Variants in CEP192 observed in about 807,000 individuals in gnomAD.
The protein encoded by CEP192 is centrosomal protein of 192 kDa.
Under a neutral mutation model 271.8 loss-of-function variants are expected in CEP192, and 151 were observed. That is an observed-to-expected ratio of 0.56 (90% CI 0.49 to 0.64). The LOEUF is 0.64. CEP192 is among the 30% of genes least tolerant of loss of function. The probability of loss-of-function intolerance (pLI) is 0.00; values close to 1 mark genes in which losing one functional copy is unlikely to be tolerated. For missense variants in CEP192, 2,910 were observed against 3,020.5 expected (o/e 0.96, Z 0.86); for synonymous variants, 995 against 1,076.5 (o/e 0.92, Z 1.48).
At chr18:13,020,599 G>A (rs1019761143) in intron 9 of CEP192, among the ~76,000 whole-genome samples, 27 of 152,244 alleles carry the variant, frequency 1.8e-4, no homozygotes, top group African/African-American at 6.5e-4. Flanking sequence ...ATGTAGGAGT[G>A]AAATTGTTGG....
At chr18:13,070,802 C>CA (rs1403179590) in intron 27 of CEP192, among the ~76,000 whole-genome samples, 2 of 152,220 alleles carry the variant, frequency 1.3e-5, no homozygotes, top group East Asian at 3.8e-4. Context: ...CCACTCCTCC[C>CA]AAATGTCTCA....
At chr18:13,054,493 T>C (rs956641091) in intron 18 of CEP192, among the ~76,000 whole-genome samples, 3 of 152,200 alleles carry the variant, frequency 2.0e-5, no homozygotes, top group Non-Finnish European at 2.9e-5. Context: ...AAGCTGTCTT[T>C]TTCATGTTGT....
At chr18:13,028,625 T>C (rs2035441332) in intron 9 of CEP192, among the ~76,000 whole-genome samples, 1 of 151,838 alleles carries the variant, frequency 6.6e-6, no homozygotes, top group Non-Finnish European at 1.5e-5. Flanking sequence ...GTTCAAGTGA[T>C]TCTCTTGCCT....
At chr18:13,072,957 T>C (rs1568375300) in intron 29 of CEP192, 52 bp from the exon 30 acceptor site, 9 of 1,570,012 alleles carry the variant, frequency 5.7e-6, no homozygotes, top group Non-Finnish European at 7.8e-6. Context: ...AATGGTATGT[T>C]TTATTTGTGC....
intron 30 of CEP192, among the ~76,000 whole-genome samples, chr18:13,084,066 T>C (rs903104122): frequency 3.3e-5 from 5 of 152,324 alleles, no homozygotes; most frequent in Admixed American, 3.3e-4. Context: ...CCAGCTAGGC[T>C]ACACGGGGGT....
intron 18 of CEP192, among the ~76,000 whole-genome samples, chr18:13,055,423 C>T (rs1447067282): frequency 6.6e-6 from 1 of 152,214 alleles, no homozygotes; most frequent in Non-Finnish European, 1.5e-5. Flanking sequence ...TCAGCCCCCA[C>T]TCCTTCGTTA....
intron 6 of CEP192, among the ~76,000 whole-genome samples, chr18:13,015,710 A>G (rs548254301): frequency 6.6e-6 from 1 of 152,074 alleles, no homozygotes; most frequent in East Asian, 1.9e-4. Context: ...GCCCTTCAGT[A>G]TATAGCATTG....
intron 34 of CEP192, among the ~76,000 whole-genome samples, chr18:13,094,742 A>G (rs1418844869): frequency 6.6e-6 from 1 of 152,160 alleles, no homozygotes; most frequent in Non-Finnish European, 1.5e-5. Context: ...TAATGTACAA[A>G]TCCACACACT....
intron 36 of CEP192, among the ~76,000 whole-genome samples, chr18:13,099,203 A>G (rs1194177962): frequency 6.9e-6 from 1 of 145,530 alleles, no homozygotes; most frequent in Admixed American, 6.8e-5. Flanking sequence ...GGGGAGAGGG[A>G]GAGGGAGAGG....
At position 13,116,491 on chromosome 18, in the gene CEP192, T is replaced by G. The variant is rs1423930306; in HGVS notation, c.7404T>G (p.Phe2468Leu). ...AAGTCAATCTGCGAAATAATTCTTT[T>G]ATTACACACTCAGTAAGTTGGAAAT... ...TLKVNLRNNS[F>L]ITHSLKFLSP... Residue 2468 changes from phenylalanine (F) to leucine (L), a missense_variant, in exon 43 of 45, where the codon TTT (phenylalanine) becomes TTG (leucine). Transcript: ENST00000506447. 6.2e-7 allele frequency: 1 copy of G among 1,604,824 alleles called. No individual in the cohort carries two copies. Among genetic ancestry groups the G allele is most frequent in the Non-Finnish European group, 8.5e-7 (1 of 1,177,104 alleles).
chr18:13,113,817 T>C, intron 41 of CEP192, 112 bp downstream of exon 41: 2 of 1,020,680 alleles, frequency 2.0e-6, no homozygotes, highest in Non-Finnish European at 1.4e-6. Flanking sequence ...ATAATCTTAA[T>C]TTTCTTGTTT....
Position 13,049,988 on chromosome 18 carries a change from GTC to G in CEP192, c.3017+102_3017+103del, listed in dbSNP as rs1165604416. On this transcript the variant is annotated intron_variant, in intron 17 of 44. Coordinates refer to ENST00000506447, the MANE Select transcript of CEP192 (RefSeq NM_032142.4). ...AAGAAGAAAAATTATCTGTGCATTC[GTC>G]TCTCAAAGGTAACTCTTGTAAGCTG... The G allele has an allele frequency of 2.1e-5, 21 of 1,005,060 alleles. No homozygotes were observed. The African/African-American group carries it at 2.3e-4, about 11-fold the overall frequency. The allele number at this position is 1,005,060 out of a possible 1,614,324, so 62.3% of individuals were successfully genotyped here.
Position 13,054,529 on chromosome 18 carries a change from T to G in CEP192, c.3190-1251T>G, listed in dbSNP as rs115010185. Among the ~76,000 whole-genome samples, 650 of 152,302 alleles carry G rather than the reference T, an allele frequency of 4.3e-3. 5 individuals carry two copies. Among genetic ancestry groups the G allele is most frequent in the African/African-American group, 0.012 (510 of 41,562 alleles). ...TGTTAGATACTGAGTCTGCATGTTC[T>G]TAGCATAGTGGTTGAGAGCTGGGTT... On this transcript the variant is annotated intron_variant, in intron 18 of 44. Transcript: ENST00000506447.
intron 18 of CEP192, among the ~76,000 whole-genome samples, chr18:13,055,363 G>GC (rs2037035218): frequency 6.6e-6 from 1 of 151,786 alleles, no homozygotes; most frequent in Admixed American, 6.6e-5. Flanking sequence ...GGCCCTGCCA[G>GC]CCTGCTGAGC....
intron 17 of CEP192, among the ~76,000 whole-genome samples, chr18:13,052,176 T>G (rs1298621081): frequency 1.3e-5 from 2 of 152,232 alleles, no homozygotes; most frequent in Non-Finnish European, 2.9e-5. Flanking sequence ...CCCTGGTGTT[T>G]GTGCAGATAG....
At chr18:13,076,829 C>T (rs1309717597) in intron 30 of CEP192, among the ~76,000 whole-genome samples, 1 of 151,980 alleles carries the variant, frequency 6.6e-6, no homozygotes, top group Non-Finnish European at 1.5e-5. Context: ...TGTCGCCCAG[C>T]CTGGAGTGCA....
chr18:13,048,762 G>T, intron 15 of CEP192, 97 bp from the exon 16 acceptor site: 1 of 766,368 alleles, frequency 1.3e-6, no homozygotes, highest in Non-Finnish European at 2.1e-6. Context: ...TATCCACTTG[G>T]AGGTTTTGAA....
Position 13,100,663 on chromosome 18 carries a change from T to C in CEP192, c.6871+151T>C, listed in dbSNP as rs529131723. 680 of 627,078 alleles carry C rather than the reference T, an allele frequency of 1.1e-3. 1 individual carries two copies. Among genetic ancestry groups the C allele is most frequent in the Admixed American group, 1.8e-3 (64 of 34,870 alleles). 38.8% of individuals were successfully genotyped at this position (627,078 alleles called of 1,614,324 possible). Reference sequence around the variant, plus strand: ...GCAGTCATTTCAATGATGGGCTGGATTTGGGATCTGAACAATCTTAAAATG... The same window carrying C: ...GCAGTCATTTCAATGATGGGCTGGACTTGGGATCTGAACAATCTTAAAATG... On this transcript the variant is annotated intron_variant, in intron 38 of 44. Transcript: ENST00000506447.
intron 18 of CEP192, among the ~76,000 whole-genome samples, chr18:13,053,844 C>T (rs1267965522): frequency 6.6e-6 from 1 of 152,068 alleles, no homozygotes; most frequent in Non-Finnish European, 1.5e-5. Flanking sequence ...TGTGCACTAC[C>T]ACACCTGGCT....
Sources: allele counts gnomAD v4.1 joint callset (sites outside exome capture counted in the v4.1 genomes callset), GRCh38; gene constraint gnomAD v4.1.1; transcripts MANE v1.5; gene names NCBI Gene and HGNC (gene_info 2026-07-23, HGNC 2026-07-21).